The following OR2T10 variants were observed in gnomAD, a reference collection of about 807,000 sequenced individuals.
The protein encoded by OR2T10 is olfactory receptor 2T10.
For synonymous variants in OR2T10, 125 were observed against 141.8 expected, an observed-to-expected ratio of 0.88 and a Z score of 0.84; for missense variants, 335 against 382.5, an observed-to-expected ratio of 0.88 and a Z score of 1.04.
Position 248,593,764 on chromosome 1 carries a change from C to T in OR2T10, c.5G>A (p.Arg2Gln), listed in dbSNP as rs761515420. 14 of 1,535,394 alleles carry T rather than the reference C, an allele frequency of 9.1e-6. 1 individual carries two copies. Among genetic ancestry groups the T allele is most frequent in the Admixed American group, 5.2e-5 (3 of 57,786 alleles). Residue 2 changes from arginine to glutamine, a missense_variant, in exon 2 of 2, where the codon CGG (arginine) becomes CAG (glutamine). By Grantham distance (43) the Arg-to-Gln change is conservative (BLOSUM62 1). Coordinates refer to ENST00000642090, the MANE Select transcript of OR2T10 (RefSeq NM_001004693.2). M[R>Q]LANQTLGGDF... ...ACCACCCAGGGTCTGGTTGGCCAGC[C>T]GCATGCTGTATGATCGGCTGAAGTG...
chr1:248,593,686 C>G lies in OR2T10; in HGVS notation c.83G>C (p.Cys28Ser), dbSNP rs757896767. The change falls in exon 2 of 2, where the codon TGC becomes TCC. Residue 28 changes from cysteine (C) to serine (S), a missense_variant. Coordinates refer to ENST00000642090, the MANE Select transcript of OR2T10 (RefSeq NM_001004693.2). The part of the protein sequence containing the change: ...FSQISHPGRL[C>S]LLIFSIFLMA... ...CAAAAATATACTGAAGATAAGCAAGCAGAGGCGGCCAGGGTGTGAGATCTG... is the reference window on the plus strand; with the variant it reads ...CAAAAATATACTGAAGATAAGCAAGGAGAGGCGGCCAGGGTGTGAGATCTG... 2 of 1,562,402 alleles carry G rather than the reference C, an allele frequency of 1.3e-6. 1 individual carries two copies. The highest frequency in any genetic ancestry group is 1.7e-6 in the Non-Finnish European group (2 of 1,150,292).
At chr1:248,597,069 A>G (rs1660102968) in intron 1 of OR2T10, among the ~76,000 whole-genome samples, 1 of 143,894 alleles carries the variant, frequency 6.9e-6, no homozygotes, top group South Asian at 2.2e-4. Context: ...TTGCCTGGAA[A>G]AATATACCAC....
chr1:248,593,405 G>A lies in OR2T10; in HGVS notation c.364C>T (p.Arg122Cys), dbSNP rs770471131. 3.2e-5 allele frequency: 51 copies of A among 1,571,622 alleles called. 5 individuals carry two copies. The highest frequency in any genetic ancestry group is 1.4e-4 in the Admixed American group (8 of 58,324). The change falls in exon 2 of 2, where the codon CGC (arginine) becomes TGC (cysteine). Residue 122 changes from arginine (R) to cysteine (C), a missense_variant. Transcript: ENST00000642090. The stretch of plus-strand genomic sequence containing the variant: ...AGAGGATGGCAGATAGCCACATAGC[G>A]GTCATAGGCCATGGCGGCTAGAAGG... ...CCLLAAMAYD[R>C]YVAICHPLRY...
chr1:248,592,646 AG>A lies in OR2T10; in HGVS notation c.*183del, dbSNP rs1159717441. On this transcript the variant is annotated 3_prime_UTR_variant, in exon 2 of 2. Transcript: ENST00000642090. ...GACTAGAGATCAATGCTACGAGGGA[AG>A]GGGGGGATAAGTGAACATCATCTCA... 5.3e-5 allele frequency: 25 copies of A among 468,370 alleles called. 1 individual carries two copies. The highest frequency in any genetic ancestry group is 6.8e-5 in the Non-Finnish European group (18 of 265,178). 29.0% of individuals were successfully genotyped at this position (468,370 alleles called of 1,614,324 possible). A position where few individuals can be genotyped will look rare whatever the true frequency, so the allele number is the denominator to read the frequency against.
chr1:248,592,982 T>TG lies in OR2T10; in HGVS notation c.786dup (p.Ser263GlnfsTer7), dbSNP rs1157081667. 23 of 1,572,254 alleles carry TG rather than the reference T, an allele frequency of 1.5e-5. 5 individuals carry two copies. Among genetic ancestry groups the TG allele is most frequent in the Non-Finnish European group, 2.0e-5 (23 of 1,156,132 alleles). On this transcript the variant is annotated frameshift_variant, in exon 2 of 2. Coordinates refer to ENST00000642090, the MANE Select transcript of OR2T10 (RefSeq NM_001004693.2). LOFTEE classifies it low-confidence loss of function (END_TRUNC). ...TCTTTCTCAGGAGTTTGGTAGGAGCTGGGGAGCATGTAGTTGTAAATAGCA... is the reference window on the plus strand; with the variant it reads ...TCTTTCTCAGGAGTTTGGTAGGAGCTGGGGGAGCATGTAGTTGTAAATAGCA...
chr1:248,597,043 A>G (rs1376889850), intron 1 of OR2T10, among the ~76,000 whole-genome samples: 3 of 144,096 alleles, frequency 2.1e-5, no homozygotes, highest in Non-Finnish European at 3.0e-5. Context: ...AAAAATGTTT[A>G]TAATTTAAGT....
Position 248,593,151 on chromosome 1 carries a change from CATG to C in OR2T10, c.615_617del (p.Ile205del), listed in dbSNP as rs752537672. On this transcript the variant is annotated inframe_deletion, in exon 2 of 2. Transcript: ENST00000642090. ...AAATGACCGTCACAGGTATCAGGAG[CATG>C]ATGACACAGCACAAGTACATGAAAA... is the stretch of plus-strand genomic sequence containing the variant. 5 of 1,572,382 alleles carry C rather than the reference CATG, an allele frequency of 3.2e-6. No homozygotes were observed. In the Admixed American group the frequency reaches 5.1e-5, roughly 16 times the overall value.
Position 248,593,275 on chromosome 1 carries a change from C to T in OR2T10, c.494G>A (p.Ser165Asn), listed in dbSNP as rs1261552251. Residue 165 changes from serine (S) to asparagine (N), a missense_variant, in exon 2 of 2, where the codon AGC becomes AAC. Ser to Asn is a conservative substitution (Grantham distance 46). Transcript: ENST00000642090. ...DGFMLTPIAM[S>N]FPFCRSHEIQ... ...CTCATGGGATCTGCAGAAGGGGAAG[C>T]TCATGGCGATGGGAGTGAGCATGAA... 25 of 1,573,600 alleles carry T rather than the reference C, an allele frequency of 1.6e-5. 7 individuals carry two copies. The highest frequency in any genetic ancestry group is 2.1e-5 in the Non-Finnish European group (24 of 1,157,114).
chr1:248,593,058 G>GGCC lies in OR2T10; in HGVS notation c.708_710dup (p.Ala237dup). ...TAATGTGGGAGGAGCAGGTGGTGAA[G>GGCC]GCCTTTTTCCGACCCTCAACTGAGT... On this transcript the variant is annotated inframe_insertion, in exon 2 of 2. Transcript: ENST00000642090. 6.4e-7 allele frequency: 1 copy of GGCC among 1,571,796 alleles called. No homozygotes were observed. Among genetic ancestry groups the GGCC allele is most frequent in the Non-Finnish European group, 8.7e-7 (1 of 1,155,960 alleles).
rs536596607 is a variant in OR2T10, at chr1:248,594,441, CAT to C, written c.-28-647_-28-646del. ...TTCTCTAAAATGATTTACTTTTACA[CAT>C]ATGTGATTTATAAAATGTATTTTTA... On this transcript the variant is annotated intron_variant, in intron 1 of 1. Coordinates refer to ENST00000642090, the MANE Select transcript of OR2T10 (RefSeq NM_001004693.2). Among the ~76,000 whole-genome samples the C allele has an allele frequency of 1.4e-3, 205 of 143,954 alleles. 43 individuals are homozygous for C. Among genetic ancestry groups the C allele is most frequent in the African/African-American group, 4.8e-3 (176 of 36,786 alleles). The allele number at this position is 143,954 out of a possible 152,430, so 94.4% of individuals were successfully genotyped here. A position where few individuals can be genotyped will look rare whatever the true frequency, so the allele number is the denominator to read the frequency against.
At position 248,593,687 on chromosome 1, in the gene OR2T10, A is replaced by C; in HGVS notation, c.82T>G (p.Cys28Gly). The C allele has an allele frequency of 6.4e-7, 1 of 1,563,652 alleles. No individual in the cohort carries two copies. The highest frequency in any genetic ancestry group is 8.7e-7 in the Non-Finnish European group (1 of 1,150,970). Reference sequence around the variant, plus strand: ...AAAAATATACTGAAGATAAGCAAGCAGAGGCGGCCAGGGTGTGAGATCTGG... The same window carrying C: ...AAAAATATACTGAAGATAAGCAAGCCGAGGCGGCCAGGGTGTGAGATCTGG... ...FSQISHPGRL[C>G]LLIFSIFLMA... Residue 28 changes from cysteine to glycine, a missense_variant, in exon 2 of 2, where the codon TGC becomes GGC. Transcript: ENST00000642090.
rs761526786 is a variant in OR2T10 at position 248,592,847 on chromosome 1, G to A, written c.922C>T (p.Gln308Ter). The A allele has an allele frequency of 3.6e-5, 55 of 1,541,968 alleles. 7 individuals are homozygous for A. Among genetic ancestry groups the A allele is most frequent in the Middle Eastern group, 1.7e-4 (1 of 5,872 alleles). Residue 308 changes from glutamine (Q) to a stop codon, truncating the protein, a stop_gained, in exon 2 of 2, where the codon CAG becomes TAG. Transcript: ENST00000642090. LOFTEE classifies it high-confidence loss of function. ...TRALKKMLSVQKPPY is the reference protein window; with the variant it reads ...TRALKKMLSV ...TTCACACTTTAATATGGAGGTTTCT[G>A]CACGCTCAGCATTTTTTTCAAAGCC...
At chr1:248,595,564 A>T (rs1003247366) in intron 1 of OR2T10, among the ~76,000 whole-genome samples, 3 of 143,378 alleles carry the variant, frequency 2.1e-5, no homozygotes, top group Non-Finnish European at 4.5e-5. Context: ...GCCAGTTTTT[A>T]ACAAATTGCT....
At position 248,591,988 on chromosome 1, in the gene OR2T10, G is replaced by A. The variant is rs1218986736; in HGVS notation, c.*842C>T. ...CAACCATGCACATACGTAAAACTGT[G>A]ATTTGAAATTATATTCTAAGTATGT... On this transcript the variant is annotated 3_prime_UTR_variant, in exon 2 of 2. Transcript: ENST00000642090. The A allele has an allele frequency of 1.4e-5, 2 of 144,110 alleles. No homozygotes were observed. Among genetic ancestry groups the A allele is most frequent in the African/African-American group, 5.4e-5 (2 of 36,816 alleles). The allele number at this position is 144,110 out of a possible 1,614,324, so 8.9% of individuals were successfully genotyped here.
Position 248,591,682 on chromosome 1 carries a change from G to A in OR2T10, c.*1148C>T, listed in dbSNP as rs1660001682. 1 of 144,102 alleles carries A rather than the reference G, an allele frequency of 6.9e-6. No homozygotes were observed. Among genetic ancestry groups the A allele is most frequent in the Non-Finnish European group, 1.5e-5 (1 of 66,386 alleles). The allele number at this position is 144,102 out of a possible 1,614,324, so 8.9% of individuals were successfully genotyped here. On this transcript the variant is annotated 3_prime_UTR_variant, in exon 2 of 2. Coordinates refer to ENST00000642090, the MANE Select transcript of OR2T10 (RefSeq NM_001004693.2). ...GGGAGAGGCAATGCAGTGTGGAAAAGGCCACAGACTCCACAAGACGTGGCA... is the reference window on the plus strand; with the variant it reads ...GGGAGAGGCAATGCAGTGTGGAAAAAGCCACAGACTCCACAAGACGTGGCA...
Position 248,593,728 on chromosome 1 carries a change from A to G in OR2T10, c.41T>C (p.Leu14Pro), listed in dbSNP as rs773574026. 2 of 1,566,722 alleles carry G rather than the reference A, an allele frequency of 1.3e-6. No individual in the cohort carries two copies. The highest frequency in any genetic ancestry group is 2.3e-5 in the South Asian group (2 of 88,612). Residue 14 changes from leucine to proline, a missense_variant, in exon 2 of 2, where the codon CTG (leucine) becomes CCG (proline). Physicochemically the swap from Leu to Pro is moderately conservative, Grantham distance 98. Coordinates refer to ENST00000642090, the MANE Select transcript of OR2T10 (RefSeq NM_001004693.2). ...TGAGATCTGGCTGAAGATTCCCAAC[A>G]GGAAAAAGTCACCACCCAGGGTCTG... ...ANQTLGGDFF[L>P]LGIFSQISHP...
Position 248,591,528 on chromosome 1 carries a change from T to TG in OR2T10, c.*1301dup, listed in dbSNP as rs1244122243. On this transcript the variant is annotated 3_prime_UTR_variant, in exon 2 of 2. Coordinates refer to ENST00000642090, the MANE Select transcript of OR2T10 (RefSeq NM_001004693.2). ...GGCCTAAAGGAAGATTATGTAGTCA[T>TG]GGAAAGTTATCTTCGTATCCTTGTA... 1 of 144,028 alleles carries TG rather than the reference T, an allele frequency of 6.9e-6. No individual in the cohort carries two copies. The highest frequency in any genetic ancestry group is 1.5e-5 in the Non-Finnish European group (1 of 66,386). 8.9% of individuals were successfully genotyped at this position (144,028 alleles called of 1,614,324 possible).
At position 248,593,779 on chromosome 1, in the gene OR2T10, C is replaced by A; in HGVS notation, c.-11G>T. ...GTTGGCCAGCCGCATGCTGTATGAT[C>A]GGCTGAAGTGGCTTTACCTGGAGGA... On this transcript the variant is annotated 5_prime_UTR_variant, in exon 2 of 2. Coordinates refer to ENST00000642090, the MANE Select transcript of OR2T10 (RefSeq NM_001004693.2). 6.9e-7 allele frequency: 1 copy of A among 1,457,058 alleles called. No homozygotes were observed. The highest frequency in any genetic ancestry group is 1.2e-5 in the South Asian group (1 of 85,222). 90.3% of individuals were successfully genotyped at this position (1,457,058 alleles called of 1,614,324 possible).
rs1167753786 is a variant in OR2T10 at position 248,593,185 on chromosome 1, T to A, written c.584A>T (p.Tyr195Phe). ...ACAGCACAAGTACATGAAAATCTTGTAAAGTGAGGTGTCTGAGCAAGAGAG... is the reference window on the plus strand; with the variant it reads ...ACAGCACAAGTACATGAAAATCTTGAAAAGTGAGGTGTCTGAGCAAGAGAG... ...LKLSCSDTSL[Y>F]KIFMYLCCVI... is the part of the protein sequence containing the mutation. The change falls in exon 2 of 2, where the codon TAC becomes TTC. Residue 195 changes from tyrosine (Y) to phenylalanine (F), a missense_variant. Transcript: ENST00000642090. 5 of 1,572,522 alleles carry A rather than the reference T, an allele frequency of 3.2e-6. 1 individual carries two copies. In the African/African-American group the frequency reaches 7.5e-5, roughly 24 times the overall value.
Sources: allele counts gnomAD v4.1 joint callset (sites outside exome capture counted in the v4.1 genomes callset), GRCh38; gene constraint gnomAD v4.1.1; transcripts MANE v1.5; gene names NCBI Gene and HGNC (gene_info 2026-07-23, HGNC 2026-07-21).